The following LTBP1 variants were observed in gnomAD, a reference collection of about 807,000 sequenced individuals.
LTBP1 encodes the protein latent-transforming growth factor beta-binding protein 1.
In LTBP1, 129 loss-of-function variants were observed where a neutral mutation model predicts 207.6. The ratio of observed to expected loss-of-function variants is 0.62; its 90% CI spans 0.54 to 0.72. The LOEUF (loss-of-function observed/expected upper bound fraction) is 0.72, where lower values mean the gene tolerates loss of function less well. Ranked by LOEUF, LTBP1 falls within the 30% of genes least tolerant of loss-of-function variation. LTBP1 has a pLI of 0.00. For missense variants in LTBP1, 2,281 were observed against 2,217.2 expected, an observed-to-expected ratio of 1.03 and a Z score of -0.58; for synonymous variants, 963 against 833.7, an observed-to-expected ratio of 1.16 and a Z score of -2.67.
At chr2:33,341,141 A>G (rs2094614225) in intron 24 of LTBP1, among the ~76,000 whole-genome samples, 1 of 152,192 alleles carries the variant, frequency 6.6e-6, no homozygotes, top group African/African-American at 2.4e-5. Flanking sequence ...GCAGAGTACC[A>G]GGCGTGGCTG....
chr2:33,117,751 A>G (rs1046182958), intron 4 of LTBP1, among the ~76,000 whole-genome samples: 1 of 152,174 alleles, frequency 6.6e-6, no homozygotes, highest in African/African-American at 2.4e-5. Flanking sequence ...ATGCTGCAAA[A>G]GACGGGAAAA....
chr2:33,039,866 A>G (rs2076100127), intron 3 of LTBP1, among the ~76,000 whole-genome samples: 1 of 152,084 alleles, frequency 6.6e-6, no homozygotes, highest in East Asian at 1.9e-4. Context: ...GAAAGCTGAT[A>G]ATGGTTGCTT....
In LTBP1 at chr2:33,252,540, T is replaced by A. The variant is rs114333681; in HGVS notation, c.2000-137T>A. 2.2e-5 allele frequency: 17 copies of A among 770,672 alleles called. No homozygotes were observed. In the South Asian group the frequency reaches 3.8e-4, roughly 17 times the overall value. 47.7% of individuals were successfully genotyped at this position (770,672 alleles called of 1,614,324 possible). A position where few individuals can be genotyped will look rare whatever the true frequency, so the allele number is the denominator to read the frequency against. The stretch of plus-strand genomic sequence containing the variant: ...TAAACTGATTTTTCTTCAAGAAAGG[T>A]GATGCTCTAAATCTAGACAGATTTA... On this transcript the variant is annotated intron_variant, in intron 10 of 33. Coordinates refer to ENST00000404816, the MANE Select transcript of LTBP1 (RefSeq NM_206943.4).
intron 4 of LTBP1, among the ~76,000 whole-genome samples, chr2:33,112,005 T>C (rs1046956061): frequency 6.6e-6 from 1 of 152,244 alleles, no homozygotes. Flanking sequence ...TGTAATATTT[T>C]TCTAATACTA....
intron 3 of LTBP1, among the ~76,000 whole-genome samples, chr2:33,103,586 C>CGTGTGTGTGTGTGTGTGTGTGTGTGT (rs71407500): frequency 1.3e-4 from 15 of 118,224 alleles, no homozygotes; most frequent in Admixed American, 4.9e-4. Context: ...TCTCCGTTTA[C>CGTGTGTGTGTGTGTGTGTGTGTGTGT]GTGTGTGTGT....
intron 3 of LTBP1, among the ~76,000 whole-genome samples, chr2:33,055,139 A>G (rs2076928491): frequency 1.3e-5 from 2 of 152,138 alleles, no homozygotes; most frequent in South Asian, 4.1e-4. Context: ...GGTCCTTATT[A>G]TAGAACACCG....
chr2:33,208,512 T>C (rs934197382), intron 7 of LTBP1, among the ~76,000 whole-genome samples: 10 of 152,284 alleles, frequency 6.6e-5, no homozygotes, highest in Admixed American at 5.9e-4. Context: ...CCCATTATTA[T>C]GGTTATCCTT....
intron 31 of LTBP1, among the ~76,000 whole-genome samples, chr2:33,377,133 A>C (rs1446168961): frequency 6.6e-6 from 1 of 152,212 alleles, no homozygotes; most frequent in African/African-American, 2.4e-5. Flanking sequence ...TAGAGGGGAA[A>C]ACTTACTCCT....
At position 33,109,204 on chromosome 2, in the gene LTBP1, C is replaced by A. The variant is rs534591700; in HGVS notation, c.864-1378C>A. On this transcript the variant is annotated intron_variant, in intron 3 of 33. Transcript: ENST00000404816. The stretch of plus-strand genomic sequence containing the variant: ...ATGAATCTGATAGAGTGAGACTATT[C>A]AAGTTTCTTTTACTGCTTTTGATAT... Among the ~76,000 whole-genome samples, 20 of 152,318 alleles carry A rather than the reference C, an allele frequency of 1.3e-4. No individual in the cohort carries two copies. The South Asian group carries it at 4.1e-3, about 32-fold the overall frequency.
intron 3 of LTBP1, among the ~76,000 whole-genome samples, chr2:33,040,158 G>T (rs149956967): frequency 6.6e-6 from 1 of 152,238 alleles, no homozygotes; most frequent in Admixed American, 6.5e-5. Context: ...TTGAGATCCT[G>T]GGTCTTGATT....
chr2:33,137,997 C>T (rs143853149), intron 5 of LTBP1, among the ~76,000 whole-genome samples: 54 of 152,206 alleles, frequency 3.5e-4, no homozygotes, highest in South Asian at 4.2e-4. Flanking sequence ...TCCAGCATAC[C>T]GGGGCTGAAT....
chr2:33,394,355 C>T (rs1430631116), intron 32 of LTBP1, among the ~76,000 whole-genome samples: 1 of 152,178 alleles, frequency 6.6e-6, no homozygotes, highest in Non-Finnish European at 1.5e-5. Context: ...GTGTTTTAGA[C>T]ATGAAGTCCT....
At chr2:33,270,860 A>G (rs987764431) in intron 15 of LTBP1, among the ~76,000 whole-genome samples, 7 of 152,196 alleles carry the variant, frequency 4.6e-5, no homozygotes, top group Non-Finnish European at 1.0e-4. Flanking sequence ...ATACTTATGT[A>G]TGAGGTAATC....
At position 33,365,403 on chromosome 2, in the gene LTBP1, C is replaced by T; in HGVS notation, c.4611C>T (p.Ser1537=). 3.1e-6 allele frequency: 5 copies of T among 1,614,180 alleles called. No individual in the cohort carries two copies. The highest frequency in any genetic ancestry group is 4.2e-6 in the Non-Finnish European group (5 of 1,180,020). ...WEHLSDEYVC[S]RPLVGKQTTY... ...ATCTGAGTGATGAATACGTGTGTAGCCGGCCTCTTGTGGGCAAGCAGACAA... is the reference window on the plus strand; with the variant it reads ...ATCTGAGTGATGAATACGTGTGTAGTCGGCCTCTTGTGGGCAAGCAGACAA... The change falls in exon 31 of 34, where the codon AGC becomes AGT. Residue 1537 remains serine (S), a synonymous_variant. Transcript: ENST00000404816.
chr2:33,205,852 C>G (rs183095496), intron 7 of LTBP1, among the ~76,000 whole-genome samples: 1 of 152,066 alleles, frequency 6.6e-6, no homozygotes, highest in Non-Finnish European at 1.5e-5. Flanking sequence ...GTGAGCTTGA[C>G]CTCTCTGTTG....
chr2:33,021,117 C>T lies in LTBP1; in HGVS notation c.774C>T (p.Asp258=). Residue 258 remains aspartate, a synonymous_variant, in exon 3 of 34, where the codon GAC becomes GAT. Coordinates refer to ENST00000404816, the MANE Select transcript of LTBP1 (RefSeq NM_206943.4). Reference sequence around the variant, plus strand: ...AGCATACTTCATCTAAGAAGGCAGACACTCTACCAAGAGTCAGCCCTGTGG... The same window carrying T: ...AGCATACTTCATCTAAGAAGGCAGATACTCTACCAAGAGTCAGCCCTGTGG... ...AAKHTSSKKA[D]TLPRVSPVAQ... 6.2e-7 allele frequency: 1 copy of T among 1,614,098 alleles called. No homozygotes were observed. Among genetic ancestry groups the T allele is most frequent in the Non-Finnish European group, 8.5e-7 (1 of 1,179,990 alleles).
intron 32 of LTBP1, 92 bp from the exon 33 acceptor site, chr2:33,397,041 A>G (rs955809717): frequency 5.1e-6 from 6 of 1,176,892 alleles, no homozygotes; most frequent in African/African-American, 3.1e-5. Flanking sequence ...ATATGTGTCT[A>G]TTTGGAAAAT....
At chr2:33,355,229 A>G (rs2094843041) in intron 26 of LTBP1, among the ~76,000 whole-genome samples, 1 of 151,582 alleles carries the variant, frequency 6.6e-6, no homozygotes, top group Admixed American at 6.6e-5. Flanking sequence ...TGTGCTTCCT[A>G]TTCTGACTCA....
chr2:33,146,154 G>A (rs1222738599), intron 5 of LTBP1, among the ~76,000 whole-genome samples: 1 of 152,102 alleles, frequency 6.6e-6, no homozygotes, highest in Non-Finnish European at 1.5e-5. Context: ...TAGGAGTTTG[G>A]GCTCTATTTC....
Sources: allele counts gnomAD v4.1 joint callset (sites outside exome capture counted in the v4.1 genomes callset), GRCh38; gene constraint gnomAD v4.1.1; transcripts MANE v1.5; gene names NCBI Gene and HGNC (gene_info 2026-07-23, HGNC 2026-07-21).